Variants in PDZD2 observed in about 807,000 individuals in gnomAD.
The protein encoded by PDZD2 is PDZ domain containing 2.
In PDZD2, 90 loss-of-function variants were observed where a neutral mutation model predicts 220.7. That is an observed-to-expected ratio of 0.41 (90% CI 0.34 to 0.49). The LOEUF (loss-of-function observed/expected upper bound fraction) is 0.49. Ranked by LOEUF, PDZD2 falls within the 20% of genes least tolerant of loss-of-function variation. The pLI is 0.28. For synonymous variants in PDZD2, 1,375 were observed against 1,450.5 expected (o/e 0.95, Z 1.18); for missense variants, 3,174 against 3,608.5 (o/e 0.88, Z 3.08).
intron 6 of PDZD2, among the ~76,000 whole-genome samples, chr5:32,017,191 C>T (rs1753851774): frequency 6.6e-6 from 1 of 152,228 alleles, no homozygotes; most frequent in South Asian, 2.1e-4. Context: ...AACCCCAGCA[C>T]TTTGGAAGGC....
chr5:32,095,934 G>C (rs1456961571), intron 21 of PDZD2, among the ~76,000 whole-genome samples: 2 of 146,804 alleles, frequency 1.4e-5, no homozygotes, highest in Non-Finnish European at 3.0e-5. Context: ...TAGTAGAGAC[G>C]GGGTTTCACC....
intron 1 of PDZD2, among the ~76,000 whole-genome samples, chr5:31,670,668 G>A (rs900944281): frequency 9.2e-5 from 14 of 152,188 alleles, no homozygotes; most frequent in Middle Eastern, 3.4e-3. Context: ...TGATCCGCCC[G>A]CCTCAGCCTC....
At chr5:31,786,682 G>A (rs1394981995) in intron 1 of PDZD2, among the ~76,000 whole-genome samples, 1 of 151,970 alleles carries the variant, frequency 6.6e-6, no homozygotes, top group African/African-American at 2.4e-5. Flanking sequence ...GGGTGTAGGG[G>A]GAATGCCAGA....
chr5:32,079,523 T>C (rs1741702589), intron 19 of PDZD2, among the ~76,000 whole-genome samples: 2 of 151,794 alleles, frequency 1.3e-5, no homozygotes, highest in African/African-American at 4.8e-5. Flanking sequence ...AATAAAAATG[T>C]GGGCCGGGTG....
chr5:31,915,845 T>C (rs1447517795), intron 2 of PDZD2, among the ~76,000 whole-genome samples: 3 of 152,196 alleles, frequency 2.0e-5, no homozygotes, highest in African/African-American at 4.8e-5. Flanking sequence ...AAAAACTTCC[T>C]TTTTACAGTG....
intron 6 of PDZD2, among the ~76,000 whole-genome samples, chr5:32,031,122 C>G (rs901714901): frequency 2.0e-5 from 3 of 152,134 alleles, no homozygotes; most frequent in Admixed American, 6.6e-5. Flanking sequence ...TTTTGACTCT[C>G]AGGTAGCTTT....
intron 2 of PDZD2, chr5:31,908,766 C>T: frequency 4.3e-6 from 4 of 926,622 alleles, no homozygotes; most frequent in Admixed American, 1.8e-5. Context: ...CAGTTCTGGC[C>T]GGGCGTGGTG....
intron 2 of PDZD2, among the ~76,000 whole-genome samples, chr5:31,897,263 A>G (rs893297726): frequency 3.1e-4 from 47 of 152,316 alleles, no homozygotes; most frequent in African/African-American, 1.1e-3. Context: ...GATGGGGAAG[A>G]TATTCCTGAG....
intron 2 of PDZD2, among the ~76,000 whole-genome samples, chr5:31,964,506 C>T (rs1462314046): frequency 6.6e-6 from 1 of 151,952 alleles, no homozygotes; most frequent in Non-Finnish European, 1.5e-5. Context: ...TGTTTTTTTC[C>T]CACTACCAGC....
At chr5:31,840,272 C>T (rs996778131) in intron 2 of PDZD2, among the ~76,000 whole-genome samples, 1 of 139,760 alleles carries the variant, frequency 7.2e-6, no homozygotes, top group Admixed American at 7.4e-5. Context: ...AAAACCACCT[C>T]ATTTTATTCT....
chr5:31,717,169 C>T (rs1398882639), intron 1 of PDZD2, among the ~76,000 whole-genome samples: 1 of 152,084 alleles, frequency 6.6e-6, no homozygotes, highest in African/African-American at 2.4e-5. Flanking sequence ...CAAGAGACAG[C>T]GTGTATTGAG....
intron 2 of PDZD2, among the ~76,000 whole-genome samples, chr5:31,865,005 C>T (rs1278448204): frequency 2.0e-5 from 3 of 151,604 alleles, no homozygotes; most frequent in East Asian, 1.9e-4. Flanking sequence ...CCCGCCACCA[C>T]GCCTGGCTAA....
At chr5:31,939,609 C>G (rs558622166) in intron 2 of PDZD2, among the ~76,000 whole-genome samples, 18 of 152,264 alleles carry the variant, frequency 1.2e-4, no homozygotes, top group African/African-American at 4.3e-4. Context: ...GCACGTGGGA[C>G]CTTTTTGCTT....
At chr5:31,780,855 A>G (rs1445273244) in intron 1 of PDZD2, among the ~76,000 whole-genome samples, 1 of 152,196 alleles carries the variant, frequency 6.6e-6, no homozygotes, top group Non-Finnish European at 1.5e-5. Context: ...CAGCAGTTCC[A>G]GGCGTGTCAC....
chr5:31,744,793 A>T (rs1012008982), intron 1 of PDZD2, among the ~76,000 whole-genome samples: 1 of 152,232 alleles, frequency 6.6e-6, no homozygotes, highest in Non-Finnish European at 1.5e-5. Flanking sequence ...CTGTGTGGCC[A>T]GGTGCAGTGG....
chr5:31,736,353 C>A (rs1189432415), intron 1 of PDZD2, among the ~76,000 whole-genome samples: 1 of 152,176 alleles, frequency 6.6e-6, no homozygotes, highest in Non-Finnish European at 1.5e-5. Context: ...GAAAGCCACT[C>A]AATAAGGACC....
intron 2 of PDZD2, among the ~76,000 whole-genome samples, chr5:31,840,214 G>A (rs1002499231): frequency 1.4e-5 from 2 of 144,154 alleles, no homozygotes; most frequent in African/African-American, 5.3e-5. Context: ...TCGAGCCTGG[G>A]TGAGACCCTG....
At chr5:31,641,547 A>G (rs563177147) in intron 1 of PDZD2, among the ~76,000 whole-genome samples, 1 of 145,310 alleles carries the variant, frequency 6.9e-6, no homozygotes, top group Non-Finnish European at 1.5e-5. Flanking sequence ...TGTGTGAGAT[A>G]TTTTTTTTTT....
At chr5:31,793,925 G>A (rs1447361072) in intron 1 of PDZD2, among the ~76,000 whole-genome samples, 1 of 152,164 alleles carries the variant, frequency 6.6e-6, no homozygotes, top group African/African-American at 2.4e-5. Flanking sequence ...AAATTTGGGC[G>A]GAGTTAGTAT....
Sources: allele counts gnomAD v4.1 joint callset (sites outside exome capture counted in the v4.1 genomes callset), GRCh38; gene constraint gnomAD v4.1.1; transcripts MANE v1.5; gene names NCBI Gene and HGNC (gene_info 2026-07-23, HGNC 2026-07-21).